The following PRR5L variants were observed in gnomAD, a reference collection of about 807,000 sequenced individuals.
The protein encoded by PRR5L is proline rich 5 like.
PRR5L carries 21 observed loss-of-function variants against 36.4 expected under a neutral mutation model. That is an observed-to-expected ratio of 0.58 (90% CI 0.41 to 0.83). PRR5L has a LOEUF of 0.83. Among genes scored for constraint, PRR5L ranks in the 40% least tolerant of loss-of-function variants. The pLI is 0.00. For synonymous variants in PRR5L, 188 were observed against 197.0 expected, an observed-to-expected ratio of 0.95 and a Z score of 0.38; for missense variants, 381 against 473.3, an observed-to-expected ratio of 0.80 and a Z score of 1.81.
intron 1 of PRR5L, among the ~76,000 whole-genome samples, chr11:36,317,579 C>A (rs972978660): frequency 6.6e-6 from 1 of 152,260 alleles, no homozygotes; most frequent in Admixed American, 6.5e-5. Flanking sequence ...TTGACTAGTT[C>A]CATAATATGC....
intron 1 of PRR5L, among the ~76,000 whole-genome samples, chr11:36,320,680 A>T (rs889331843): frequency 1.3e-5 from 2 of 152,226 alleles, no homozygotes; most frequent in Non-Finnish European, 2.9e-5. Context: ...AGAAAGGCAG[A>T]GTGTGAACTG....
chr11:36,452,172 C>A (rs1177759448), intron 8 of PRR5L, among the ~76,000 whole-genome samples: 1 of 152,128 alleles, frequency 6.6e-6, no homozygotes, highest in African/African-American at 2.4e-5. Context: ...TGGTGCCTGG[C>A]GTATAGTAGG....
In PRR5L at chr11:36,437,575, G is replaced by T. The variant is rs375682550; in HGVS notation, c.444+99G>T. Reference sequence around the variant, plus strand: ...GCTCCTGGTAAATGGGAGAAAACTTGGAGATTGGGCGCTTGTATTGGTTAA... The same window carrying T: ...GCTCCTGGTAAATGGGAGAAAACTTTGAGATTGGGCGCTTGTATTGGTTAA... On this transcript the variant is annotated intron_variant, in intron 6 of 8. Transcript: ENST00000530639. 1.1e-4 allele frequency: 77 copies of T among 710,878 alleles called. 1 individual carries two copies. The highest frequency in any genetic ancestry group is 7.9e-4 in the East Asian group (31 of 39,326). The allele number at this position is 710,878 out of a possible 1,614,324, so 44.0% of individuals were successfully genotyped here. A position where few individuals can be genotyped will look rare whatever the true frequency, so the allele number is the denominator to read the frequency against.
At chr11:36,309,259 C>A (rs1023159197) in intron 1 of PRR5L, among the ~76,000 whole-genome samples, 15 of 152,156 alleles carry the variant, frequency 9.9e-5, no homozygotes, top group Non-Finnish European at 1.6e-4. Flanking sequence ...CCAAAACAAG[C>A]ATCAACGCCA....
At chr11:36,380,749 G>C (rs1248540903) in intron 1 of PRR5L, among the ~76,000 whole-genome samples, 1 of 152,124 alleles carries the variant, frequency 6.6e-6, no homozygotes, top group Admixed American at 6.6e-5. Flanking sequence ...CATATTCTGA[G>C]ATTTTAGAGG....
chr11:36,403,432 C>T, intron 3 of PRR5L, 54 bp downstream of exon 3: 1 of 1,381,346 alleles, frequency 7.2e-7, no homozygotes, highest in Non-Finnish European at 1.0e-6. Context: ...TGAGCAGGGG[C>T]ATAGGGGCTA....
chr11:36,298,033 A>G (rs1415260925), intron 1 of PRR5L, among the ~76,000 whole-genome samples: 1 of 152,198 alleles, frequency 6.6e-6, no homozygotes, highest in Admixed American at 6.5e-5. Context: ...TCTTGTGGAT[A>G]CTTCAGAGAG....
intron 1 of PRR5L, among the ~76,000 whole-genome samples, chr11:36,305,143 A>T (rs1387472551): frequency 6.6e-6 from 1 of 152,256 alleles, no homozygotes; most frequent in Non-Finnish European, 1.5e-5. Context: ...TCAACTAATG[A>T]AGAGATAAAT....
intron 8 of PRR5L, among the ~76,000 whole-genome samples, chr11:36,454,468 G>C (rs909123639): frequency 1.3e-5 from 2 of 152,156 alleles, no homozygotes; most frequent in African/African-American, 4.8e-5. Flanking sequence ...TAAGGAGTTG[G>C]GTTGGGGGTG....
chr11:36,460,386 T>C (rs1206272610), intron 8 of PRR5L, among the ~76,000 whole-genome samples: 1 of 152,092 alleles, frequency 6.6e-6, no homozygotes, highest in Non-Finnish European at 1.5e-5. Flanking sequence ...CTCCCCATCC[T>C]TCGCCCCTCC....
At chr11:36,367,268 G>T (rs1463953022) in intron 1 of PRR5L, among the ~76,000 whole-genome samples, 5 of 152,160 alleles carry the variant, frequency 3.3e-5, no homozygotes, top group Admixed American at 6.5e-5. Context: ...TGCCATAAAA[G>T]AATTGAGATT....
At chr11:36,361,330 A>G (rs773874450) in intron 1 of PRR5L, among the ~76,000 whole-genome samples, 1 of 152,200 alleles carries the variant, frequency 6.6e-6, no homozygotes, top group Admixed American at 6.5e-5. Context: ...TTCTTGCTAT[A>G]TATACCTTTT....
chr11:36,421,536 G>GT (rs1313556759), intron 4 of PRR5L, among the ~76,000 whole-genome samples: 2 of 151,986 alleles, frequency 1.3e-5, no homozygotes, highest in African/African-American at 2.4e-5. Flanking sequence ...ATACAGTTTT[G>GT]TTTTTTTCTT....
chr11:36,415,306 C>T (rs918086959), intron 3 of PRR5L, among the ~76,000 whole-genome samples: 1 of 152,220 alleles, frequency 6.6e-6, no homozygotes, highest in Non-Finnish European at 1.5e-5. Flanking sequence ...GCATCTTCCT[C>T]AAACTTCAGG....
At chr11:36,409,366 A>G (rs1056833639) in intron 3 of PRR5L, among the ~76,000 whole-genome samples, 3 of 152,136 alleles carry the variant, frequency 2.0e-5, no homozygotes, top group Admixed American at 1.3e-4. Context: ...TCTCTCTCCA[A>G]CCACCCTGCT....
Position 36,463,878 on chromosome 11 carries a change from A to C in PRR5L, c.*1142A>C, listed in dbSNP as rs1859242754. The C allele has an allele frequency of 6.6e-6, 1 of 152,190 alleles. No individual in the cohort carries two copies. Among genetic ancestry groups the C allele is most frequent in the African/African-American group, 2.4e-5 (1 of 41,444 alleles). 9.4% of individuals were successfully genotyped at this position (152,190 alleles called of 1,614,324 possible). ...TCGTAAATTTCATGGTTTCTAGGAA[A>C]AGCTGCATTGGGGTGGGGAGACCCA... On this transcript the variant is annotated 3_prime_UTR_variant, in exon 9 of 9. Transcript: ENST00000530639.
rs1856659481 is a variant in PRR5L, at chr11:36,326,116, A to G, written c.-126+29678A>G. Among the ~76,000 whole-genome samples, 6 of 152,328 alleles carry G rather than the reference A, an allele frequency of 3.9e-5. No individual in the cohort carries two copies. In the South Asian group the frequency reaches 1.2e-3, roughly 32 times the overall value. On this transcript the variant is annotated intron_variant, in intron 1 of 8. Transcript: ENST00000530639. Reference sequence around the variant, plus strand: ...TTATTTAAAATATCAGACATACAAAATTAGAATAGTGAACCTCTGCATACC... The same window carrying G: ...TTATTTAAAATATCAGACATACAAAGTTAGAATAGTGAACCTCTGCATACC...
At chr11:36,310,102 T>C (rs1332501626) in intron 1 of PRR5L, among the ~76,000 whole-genome samples, 1 of 145,866 alleles carries the variant, frequency 6.9e-6, no homozygotes, top group African/African-American at 2.5e-5. Flanking sequence ...AATGCTGGGC[T>C]TCTTTACTCA....
chr11:36,428,192 G>T (rs527408354), intron 4 of PRR5L, among the ~76,000 whole-genome samples: 1 of 152,322 alleles, frequency 6.6e-6, no homozygotes, highest in African/African-American at 2.4e-5. Context: ...GGCACCAGGG[G>T]TGAGGTGTAG....
Sources: gnomAD v4.1 joint callset for allele counts (sites outside exome capture counted in the v4.1 genomes callset) on GRCh38, gnomAD v4.1.1 for gene constraint, MANE v1.5 for transcripts, NCBI Gene and HGNC (gene_info 2026-07-23, HGNC 2026-07-21) for gene names.